ERC2: variants seen among roughly 807,000 people sequenced by gnomAD.
ERC2 encodes ELKS/RAB6-interacting/CAST family member 2, also known as ERC protein 2.
ERC2 carries 42 observed loss-of-function variants against 114.8 expected under a neutral mutation model. The ratio of observed to expected loss-of-function variants is 0.37; its 90% CI spans 0.29 to 0.47. The LOEUF is 0.47. Ranked by LOEUF, ERC2 falls within the 20% of genes least tolerant of loss-of-function variation. ERC2 has a pLI of 0.99. For missense variants in ERC2, 939 were observed against 1,150.7 expected (o/e 0.82, Z 2.66); for synonymous variants, 454 against 425.5 (o/e 1.07, Z -0.82).
At chr3:56,139,358 C>T (rs901007897) in intron 6 of ERC2, 151 bp downstream of exon 6, 2 of 706,004 alleles carry the variant, frequency 2.8e-6, no homozygotes, top group African/African-American at 3.6e-5. Flanking sequence ...CAATGCATCT[C>T]ACCTTTCTGA....
At chr3:56,056,864 G>A (rs60497866) in intron 7 of ERC2, among the ~76,000 whole-genome samples, 2,575 of 152,172 alleles carry the variant, frequency 0.017, 70 homozygotes, top group African/African-American at 0.059. Context: ...TTCATTAGGC[G>A]CCAGTTATTG....
intron 13 of ERC2, among the ~76,000 whole-genome samples, chr3:55,905,773 C>A (rs984568583): frequency 6.6e-6 from 1 of 152,094 alleles, no homozygotes. Flanking sequence ...TCTTTCTTAC[C>A]ATGCCTTGTT....
Position 56,434,609 on chromosome 3 carries a change from GTGGTGGTGATGATGGGATGA to G in ERC2, c.379_398del (p.Ser127ProfsTer29), listed in dbSNP as rs1172453017. 1.2e-6 allele frequency: 2 copies of G among 1,613,934 alleles called. No homozygotes were observed. The highest frequency in any genetic ancestry group is 1.7e-6 in the Non-Finnish European group (2 of 1,179,886). Reference sequence around the variant, plus strand: ...CCTGCCTCAACATGGAGGGGACCTGGTGGTGGTGATGATGGGATGAGCCAGTCAGCCCACCATGTTGATCT... The same window carrying G: ...CCTGCCTCAACATGGAGGGGACCTGGGCCAGTCAGCCCACCATGTTGATCT... On this transcript the variant is annotated frameshift_variant, in exon 2 of 18. Coordinates refer to ENST00000288221, the MANE Select transcript of ERC2 (RefSeq NM_015576.3). LOFTEE classifies it high-confidence loss of function.
At chr3:56,116,212 T>C (rs900705124) in intron 6 of ERC2, among the ~76,000 whole-genome samples, 2 of 152,210 alleles carry the variant, frequency 1.3e-5, no homozygotes, top group African/African-American at 4.8e-5. Context: ...AGAAAATCTT[T>C]TTTAAGACAA....
At chr3:55,800,618 G>T (rs1328056274) in intron 14 of ERC2, among the ~76,000 whole-genome samples, 1 of 152,084 alleles carries the variant, frequency 6.6e-6, no homozygotes, top group Non-Finnish European at 1.5e-5. Flanking sequence ...CGTGTTGGAA[G>T]CACCAACTTT....
chr3:56,332,152 G>GCACACA (rs4061143), intron 2 of ERC2, among the ~76,000 whole-genome samples: 24 of 151,440 alleles, frequency 1.6e-4, no homozygotes, highest in Non-Finnish European at 2.8e-4. Flanking sequence ...ACACACATGT[G>GCACACA]CACACACACA....
intron 2 of ERC2, among the ~76,000 whole-genome samples, chr3:56,416,158 T>C (rs182167614): frequency 1.2e-3 from 189 of 152,288 alleles, no homozygotes; most frequent in African/African-American, 4.1e-3. Context: ...TAATTCCTAG[T>C]AGGGGCTTTC....
intron 3 of ERC2, among the ~76,000 whole-genome samples, chr3:56,192,151 A>C (rs1409065868): frequency 6.6e-6 from 1 of 152,072 alleles, no homozygotes; most frequent in African/African-American, 2.4e-5. Flanking sequence ...TCTCTCCAAC[A>C]TTCTTCATGC....
intron 3 of ERC2, among the ~76,000 whole-genome samples, chr3:56,202,190 T>C (rs1452203): frequency 0.5 from 75,789 of 151,934 alleles, 19,264 homozygotes; most frequent in East Asian, 0.73. Flanking sequence ...GGTAAAAACC[T>C]CATTTGGGTT....
intron 17 of ERC2, among the ~76,000 whole-genome samples, chr3:55,608,845 G>A (rs1339387903): frequency 6.6e-6 from 1 of 152,232 alleles, no homozygotes; most frequent in Non-Finnish European, 1.5e-5. Context: ...CTGAAACAGT[G>A]AGAATTGGGA....
intron 13 of ERC2, among the ~76,000 whole-genome samples, chr3:55,921,608 C>G (rs1257969907): frequency 6.6e-6 from 1 of 151,984 alleles, no homozygotes; most frequent in African/African-American, 2.4e-5. Flanking sequence ...ATCATTATAG[C>G]CAAAGTTGGA....
In ERC2 at chr3:55,908,111, G is replaced by A. The variant is rs368291572; in HGVS notation, c.2404-19562C>T. On this transcript the variant is annotated intron_variant, in intron 13 of 17. Coordinates refer to ENST00000288221, the MANE Select transcript of ERC2 (RefSeq NM_015576.3). ...GTCAAGGCCTGATGCTGGCCAGGAA[G>A]GGAAATGCCCTTTAGCTGCTGCTAA... Among the ~76,000 whole-genome samples the A allele has an allele frequency of 1.4e-3, 215 of 152,276 alleles. 7 individuals are homozygous for A. In the South Asian group the frequency reaches 0.043, roughly 30 times the overall value.
intron 3 of ERC2, among the ~76,000 whole-genome samples, chr3:56,209,358 A>G (rs1247760017): frequency 6.6e-6 from 1 of 151,900 alleles, no homozygotes. Context: ...CTCTCCTAAT[A>G]TACACCACAA....
chr3:56,166,018 G>A (rs2082308443), intron 4 of ERC2, among the ~76,000 whole-genome samples: 2 of 151,898 alleles, frequency 1.3e-5, no homozygotes, highest in Admixed American at 6.6e-5. Flanking sequence ...CATGATATTA[G>A]CTATAGCTTT....
intron 13 of ERC2, among the ~76,000 whole-genome samples, chr3:55,941,025 T>G (rs918057761): frequency 6.6e-6 from 1 of 152,228 alleles, no homozygotes; most frequent in Non-Finnish European, 1.5e-5. Context: ...TTGCTTAAAT[T>G]AACATCACTA....
At chr3:55,828,467 GGCA>G (rs2060426215) in intron 14 of ERC2, among the ~76,000 whole-genome samples, 1 of 148,580 alleles carries the variant, frequency 6.7e-6, no homozygotes, top group Non-Finnish European at 1.5e-5. Context: ...TGGCAGCAGG[GGCA>G]GCAGGGGCAG....
intron 17 of ERC2, among the ~76,000 whole-genome samples, chr3:55,600,921 C>G (rs2148527745): frequency 6.6e-6 from 1 of 152,372 alleles, no homozygotes; most frequent in East Asian, 1.9e-4. Context: ...TGCCATGTGG[C>G]ATCTGGATGA....
At chr3:55,876,977 C>T (rs2062879618) in intron 14 of ERC2, among the ~76,000 whole-genome samples, 1 of 152,176 alleles carries the variant, frequency 6.6e-6, no homozygotes, top group South Asian at 2.1e-4. Flanking sequence ...TTGTGCTGAA[C>T]AGGAAAATAT....
intron 17 of ERC2, among the ~76,000 whole-genome samples, chr3:55,679,629 G>T (rs1005684088): frequency 1.3e-5 from 2 of 152,184 alleles, no homozygotes; most frequent in African/African-American, 4.8e-5. Context: ...ATAAATGAAT[G>T]AATGAATAAA....
Sources: gnomAD v4.1 joint callset for allele counts (sites outside exome capture counted in the v4.1 genomes callset) on GRCh38, gnomAD v4.1.1 for gene constraint, MANE v1.5 for transcripts, NCBI Gene and HGNC (gene_info 2026-07-23, HGNC 2026-07-21) for gene names.